The following PPAT variants were observed in gnomAD, a reference collection of about 807,000 sequenced individuals.
PPAT encodes phosphoribosyl pyrophosphate amidotransferase.
A neutral mutation model predicts 60.2 loss-of-function variants in PPAT; 20 were observed. That is an observed-to-expected ratio of 0.33 (90% confidence interval 0.23 to 0.48). The LOEUF is 0.48. Among genes scored for constraint, PPAT ranks in the 20% least tolerant of loss-of-function variants. The pLI is 0.99. For missense variants in PPAT, 349 were observed against 629.6 expected, an observed-to-expected ratio of 0.55 and a Z score of 4.77; for synonymous variants, 194 against 215.1, an observed-to-expected ratio of 0.90 and a Z score of 0.86.
rs374629526 is a variant in PPAT, at chr4:56,403,279, C to T, written c.515+10G>A. 2 of 1,607,230 alleles carry T rather than the reference C, an allele frequency of 1.2e-6. No homozygotes were observed. The highest frequency in any genetic ancestry group is 1.7e-6 in the Non-Finnish European group (2 of 1,173,788). ...CTAGAGCTCTAAGTTTAGTCCAGTT[C>T]TCTGCTTACCTGGCTACCCAGTCTG... On this transcript the variant is annotated intron_variant, in intron 4 of 10. Transcript: ENST00000264220.
intron 1 of PPAT, among the ~76,000 whole-genome samples, chr4:56,432,325 C>G (rs1578139304): frequency 6.6e-6 from 1 of 151,954 alleles, no homozygotes; most frequent in African/African-American, 2.4e-5. Flanking sequence ...GCCAGGAGTT[C>G]AAGACCAGCC....
At position 56,403,395 on chromosome 4, in the gene PPAT, G is replaced by A. The variant is rs1403557056; in HGVS notation, c.409C>T (p.Arg137Cys). 2 of 1,610,174 alleles carry A rather than the reference G, an allele frequency of 1.2e-6. No individual in the cohort carries two copies. Among genetic ancestry groups the A allele is most frequent in the Non-Finnish European group, 1.7e-6 (2 of 1,177,228 alleles). ...NAARLRKKLL[R>C]HGIGLSTSSD... The stretch of plus-strand genomic sequence containing the variant: ...CTTGTAGACAGACCAATACCATGAC[G>A]CAGAAGCTATATAGAAAAAAAGAGA... The change falls in exon 4 of 11, where the codon CGT (arginine) becomes TGT (cysteine). Residue 137 changes from arginine (R) to cysteine (C), a missense_variant. Around this residue, in one of 5 missense-constraint regions of PPAT, gnomAD observed 115 missense variants for 174.5 expected, o/e 0.66. Coordinates refer to ENST00000264220, the MANE Select transcript of PPAT (RefSeq NM_002703.5).
chr4:56,407,445 A>G (rs6834696), intron 2 of PPAT, among the ~76,000 whole-genome samples: 28,122 of 151,924 alleles, frequency 0.19, 2,902 homozygotes, highest in Admixed American at 0.32. Context: ...CAGCCTCCCA[A>G]GTAGCTGGGA....
rs1716940343 is a variant in PPAT at position 56,419,620 on chromosome 4, C to G, written c.129-11904G>C. The G allele has an allele frequency of 4.2e-6, 4 of 962,616 alleles. No individual in the cohort carries two copies. In the South Asian group the frequency reaches 1.4e-4, roughly 35 times the overall value. The allele number at this position is 962,616 out of a possible 1,614,324, so 59.6% of individuals were successfully genotyped here. On this transcript the variant is annotated intron_variant, in intron 1 of 10. Transcript: ENST00000264220. ...ACCTCTCTACCTAATGCAGGTATCT[C>G]TACGTCAGTATTGGAACCCTCTAAT... is the stretch of plus-strand genomic sequence containing the variant.
chr4:56,426,319 T>C (rs1001017892), intron 1 of PPAT, among the ~76,000 whole-genome samples: 3 of 152,040 alleles, frequency 2.0e-5, no homozygotes, highest in Non-Finnish European at 4.4e-5. Flanking sequence ...GGAGAATCAC[T>C]TGAACCCAGG....
At chr4:56,415,649 A>G (rs1716691484) in intron 1 of PPAT, among the ~76,000 whole-genome samples, 1 of 152,256 alleles carries the variant, frequency 6.6e-6, no homozygotes, top group Admixed American at 6.5e-5. Context: ...ATTTGATCAT[A>G]CATGCCAAAA....
intron 1 of PPAT, among the ~76,000 whole-genome samples, chr4:56,432,296 A>G: frequency 6.6e-6 from 1 of 152,092 alleles, no homozygotes; most frequent in Middle Eastern, 3.2e-3. Context: ...GGGAGACCGA[A>G]GAGGGTGGAT....
At chr4:56,426,508 G>A (rs1459744925) in intron 1 of PPAT, among the ~76,000 whole-genome samples, 1 of 152,056 alleles carries the variant, frequency 6.6e-6, no homozygotes, top group Non-Finnish European at 1.5e-5. Context: ...CTAAGAATTT[G>A]CCTATTCTGG....
chr4:56,397,997 G>A (rs539532181), intron 9 of PPAT, among the ~76,000 whole-genome samples: 1 of 152,070 alleles, frequency 6.6e-6, no homozygotes, highest in Non-Finnish European at 1.5e-5. Context: ...AGCTGAGATC[G>A]AACCACTGCA....
Position 56,431,913 on chromosome 4 carries a change from G to A in PPAT, c.128+3437C>T, listed in dbSNP as rs1717602583. Among the ~76,000 whole-genome samples, 5 of 152,246 alleles carry A rather than the reference G, an allele frequency of 3.3e-5. No individual in the cohort carries two copies. The South Asian group carries it at 1.0e-3, about 32-fold the overall frequency. On this transcript the variant is annotated intron_variant, in intron 1 of 10. Coordinates refer to ENST00000264220, the MANE Select transcript of PPAT (RefSeq NM_002703.5). The stretch of plus-strand genomic sequence containing the variant: ...CAGGCATGAACATACCCACACACAT[G>A]CATGCACAGTTTACAGCTAAGAGGA...
At chr4:56,435,308 G>T in intron 1 of PPAT, 42 bp downstream of exon 1, 3 of 1,610,744 alleles carry the variant, frequency 1.9e-6, no homozygotes, top group Non-Finnish European at 2.5e-6. Flanking sequence ...GGCTCCGAGA[G>T]ATGGAGACGC....
chr4:56,398,339 C>T (rs115122895), intron 9 of PPAT, among the ~76,000 whole-genome samples: 2,832 of 152,238 alleles, frequency 0.019, 35 homozygotes, highest in Non-Finnish European at 0.029. Context: ...CATAGCACTC[C>T]AGCCTGGGCA....
intron 1 of PPAT, chr4:56,410,540 T>A: frequency 1.0e-6 from 1 of 986,786 alleles, no homozygotes; most frequent in Non-Finnish European, 1.2e-6. Flanking sequence ...AGGAAAGCAC[T>A]GGACTGAGGA....
intron 1 of PPAT, among the ~76,000 whole-genome samples, chr4:56,413,918 ATAAT>A (rs1302556564): frequency 6.6e-6 from 1 of 152,322 alleles, no homozygotes; most frequent in East Asian, 1.9e-4. Context: ...AATTAAATAA[ATAAT>A]TAACGACTTA....
At chr4:56,397,670 CT>C (rs1331514637) in intron 9 of PPAT, among the ~76,000 whole-genome samples, 3 of 152,002 alleles carry the variant, frequency 2.0e-5, no homozygotes, top group Non-Finnish European at 4.4e-5. Flanking sequence ...CTTAATATAT[CT>C]ATATAAAAAC....
At chr4:56,429,230 A>G (rs1211221400) in intron 1 of PPAT, among the ~76,000 whole-genome samples, 1 of 152,206 alleles carries the variant, frequency 6.6e-6, no homozygotes, top group African/African-American at 2.4e-5. Flanking sequence ...AAGAAAGAAA[A>G]AAGAGTGAGA....
chr4:56,429,038 A>T, intron 1 of PPAT: 12 of 648,024 alleles, frequency 1.9e-5, no homozygotes, highest in Non-Finnish European at 2.3e-5. Context: ...GTTCTTCCAC[A>T]CAGTGGAAAC....
In PPAT at chr4:56,396,879, C is replaced by A; in HGVS notation, c.1237-140G>T. ...AATTATTCTTTCTACAAAGCTGCTTCTTGGTTTTTTTTTTCTTTCACCTAA... is the reference window on the plus strand; with the variant it reads ...AATTATTCTTTCTACAAAGCTGCTTATTGGTTTTTTTTTTCTTTCACCTAA... On this transcript the variant is annotated intron_variant, in intron 9 of 10. Coordinates refer to ENST00000264220, the MANE Select transcript of PPAT (RefSeq NM_002703.5). This position sits in a 1 kb window ranked among gnomAD's most constrained non-coding sequence, Gnocchi z 4.6. 1.2e-6 allele frequency: 1 copy of A among 822,136 alleles called. No individual in the cohort carries two copies. The highest frequency in any genetic ancestry group is 1.7e-6 in the Non-Finnish European group (1 of 581,048). 50.9% of individuals were successfully genotyped at this position (822,136 alleles called of 1,614,324 possible).
At chr4:56,427,256 G>A (rs549681980) in intron 1 of PPAT, among the ~76,000 whole-genome samples, 1 of 152,296 alleles carries the variant, frequency 6.6e-6, no homozygotes, top group South Asian at 2.1e-4. Context: ...AAGCGAAATT[G>A]TTGATCATAT....
Sources: allele counts gnomAD v4.1 joint callset (sites outside exome capture counted in the v4.1 genomes callset), GRCh38; gene constraint gnomAD v4.1.1; regional missense constraint gnomAD v4.1.1; non-coding constraint Gnocchi (gnomAD v3.1); transcripts MANE v1.5; gene names NCBI Gene and HGNC (gene_info 2026-07-23, HGNC 2026-07-21).